CHAT: variants seen among roughly 807,000 people sequenced by gnomAD.
CHAT encodes the protein choline O-acetyltransferase.
Under a neutral mutation model 76.9 loss-of-function variants are expected in CHAT, and 61 were observed. The observed-to-expected ratio is 0.79, with a 90% confidence interval of 0.65 to 0.98. CHAT has a LOEUF of 0.98. Among genes scored for constraint, CHAT ranks in the 50% least tolerant of loss-of-function variants. The probability of loss-of-function intolerance (pLI) is 0.00; values close to 1 mark genes in which losing one functional copy is unlikely to be tolerated. For synonymous variants in CHAT, 407 were observed against 397.4 expected (o/e 1.02, Z -0.29); for missense variants, 946 against 986.9 (o/e 0.96, Z 0.56).
chr10:49,656,489 G>A (rs1213114431), intron 13 of CHAT, among the ~76,000 whole-genome samples: 2 of 152,140 alleles, frequency 1.3e-5, no homozygotes, highest in Non-Finnish European at 2.9e-5. Flanking sequence ...GGAGCCAGCT[G>A]TTTCCTCTGC....
At chr10:49,647,215 A>G in intron 8 of CHAT, 1 of 165,880 alleles carries the variant, frequency 6.0e-6, no homozygotes, top group Non-Finnish European at 1.3e-5. Context: ...AAGATGAGAT[A>G]AAATAATTCA....
chr10:49,631,598 G>C lies in CHAT; in HGVS notation c.1111+3813G>C, dbSNP rs147901199. Among the ~76,000 whole-genome samples, 283 of 152,332 alleles carry C rather than the reference G, an allele frequency of 1.9e-3. 1 individual carries two copies. Among genetic ancestry groups the C allele is most frequent in the African/African-American group, 6.5e-3 (270 of 41,556 alleles). Reference sequence around the variant, plus strand: ...GATGGTGAGAGCATAGCAGGGCCGAGGGGTTTGGCCGTCTCAGTGACATGA... The same window carrying C: ...GATGGTGAGAGCATAGCAGGGCCGACGGGTTTGGCCGTCTCAGTGACATGA... On this transcript the variant is annotated intron_variant, in intron 7 of 14. Transcript: ENST00000337653.
chr10:49,632,619 C>T (rs1839162837), intron 7 of CHAT, among the ~76,000 whole-genome samples: 1 of 152,136 alleles, frequency 6.6e-6, no homozygotes, highest in African/African-American at 2.4e-5. Flanking sequence ...AAGGAGACTG[C>T]GCTCAGATGA....
intron 6 of CHAT, among the ~76,000 whole-genome samples, chr10:49,627,315 A>C (rs1474187798): frequency 2.0e-5 from 3 of 152,278 alleles, no homozygotes; most frequent in Non-Finnish European, 4.4e-5. Flanking sequence ...GCCCTCCAAC[A>C]GTAGCTGTGC....
chr10:49,643,092 C>A (rs144561463), intron 7 of CHAT, among the ~76,000 whole-genome samples: 1 of 152,168 alleles, frequency 6.6e-6, no homozygotes. Context: ...TTGTAAATGG[C>A]CTAAGGTCAA....
At chr10:49,621,793 A>C (rs974024356) in intron 4 of CHAT, among the ~76,000 whole-genome samples, 3 of 151,876 alleles carry the variant, frequency 2.0e-5, no homozygotes, top group African/African-American at 7.3e-5. Flanking sequence ...CTCGACCCCC[A>C]GTTCTCACCA....
At chr10:49,630,929 C>G (rs770248807) in intron 7 of CHAT, among the ~76,000 whole-genome samples, 9 of 152,118 alleles carry the variant, frequency 5.9e-5, no homozygotes, top group Non-Finnish European at 1.2e-4. Flanking sequence ...TGTGAAATAG[C>G]CTCCTGGAAA....
At position 49,651,956 on chromosome 10, in the gene CHAT, A is replaced by C. The variant is rs1343350166; in HGVS notation, c.1584A>C (p.Lys528Asn). 1 of 1,614,232 alleles carries C rather than the reference A, an allele frequency of 6.2e-7. No individual in the cohort carries two copies. The highest frequency in any genetic ancestry group is 8.5e-7 in the Non-Finnish European group (1 of 1,180,030). ...NYGKTFIKKQ[K>N]CSPDAFIQVA... ...GGAAAACATTCATTAAGAAGCAGAA[A>C]TGCAGCCCTGATGCCTTCATCCAGG... The change falls in exon 11 of 15, where the codon AAA (lysine) becomes AAC (asparagine). Residue 528 changes from lysine to asparagine, a missense_variant. Coordinates refer to ENST00000337653, the MANE Select transcript of CHAT (RefSeq NM_020549.5).
intron 14 of CHAT, among the ~76,000 whole-genome samples, chr10:49,663,435 A>G (rs2132855022): frequency 6.6e-6 from 1 of 152,234 alleles, no homozygotes; most frequent in East Asian, 1.9e-4. Flanking sequence ...GCTTGGCCAG[A>G]TACAATTATG....
chr10:49,620,040 TG>T, intron 3 of CHAT, 124 bp downstream of exon 3: 1 of 949,760 alleles, frequency 1.1e-6, no homozygotes, highest in Admixed American at 2.3e-5. Context: ...GGGACAGGGA[TG>T]GGGGATAGGT....
upstream of CHAT, chr10:49,610,892 T>A: frequency 6.2e-7 from 1 of 1,613,120 alleles, no homozygotes; most frequent in Non-Finnish European, 8.5e-7. Flanking sequence ...ATGCTGTACA[T>A]GGTCATCGTG....
chr10:49,619,009 C>T (rs1180318844), intron 2 of CHAT, among the ~76,000 whole-genome samples: 1 of 152,140 alleles, frequency 6.6e-6, no homozygotes, highest in African/African-American at 2.4e-5. Context: ...GCCCCTAACA[C>T]CCACATGAAA....
At chr10:49,610,886 T>TGTCCA (rs1838274929), upstream of CHAT, 1 of 1,613,226 alleles carries the variant, frequency 6.2e-7, no homozygotes, top group Admixed American at 1.7e-5. Flanking sequence ...GACAACATGC[T>TGTCCA]GTACATGGTC....
intron 10 of CHAT, 77 bp from the exon 11 acceptor site, chr10:49,651,807 T>C: frequency 6.7e-7 from 1 of 1,489,122 alleles, no homozygotes; most frequent in Non-Finnish European, 9.1e-7. Flanking sequence ...GACCAGGCTC[T>C]AGAAGCCCGG....
chr10:49,620,656 C>A lies in CHAT; in HGVS notation c.698+43C>A, dbSNP rs553256229. The A allele has an allele frequency of 3.4e-6, 5 of 1,474,340 alleles. No homozygotes were observed. In the East Asian group the frequency reaches 6.9e-5, roughly 20 times the overall value. The allele number at this position is 1,474,340 out of a possible 1,614,324, so 91.3% of individuals were successfully genotyped here. A position where few individuals can be genotyped will look rare whatever the true frequency, so the allele number is the denominator to read the frequency against. ...CTAGCTCATAACCTGGGGACCCACC[C>A]AAGGCAGGGGCCCTTACCCCAGTGC... is the stretch of plus-strand genomic sequence containing the variant. On this transcript the variant is annotated intron_variant, in intron 4 of 14. Coordinates refer to ENST00000337653, the MANE Select transcript of CHAT (RefSeq NM_020549.5).
At chr10:49,610,611 A>G, upstream of CHAT, 3 of 890,052 alleles carry the variant, frequency 3.4e-6, no homozygotes, top group Non-Finnish European at 4.8e-6. Flanking sequence ...CTCCGCGGCC[A>G]CCTGAGGCAC....
At chr10:49,640,607 T>C (rs953862475) in intron 7 of CHAT, among the ~76,000 whole-genome samples, 1 of 152,180 alleles carries the variant, frequency 6.6e-6, no homozygotes, top group Non-Finnish European at 1.5e-5. Context: ...TCAGCTTCCA[T>C]CTGAGACTGT....
chr10:49,611,525 T>C, upstream of CHAT: 1 of 1,602,306 alleles, frequency 6.2e-7, no homozygotes, highest in Non-Finnish European at 8.5e-7. Context: ...CTGCTGGCAG[T>C]GGCCAAACCC....
At chr10:49,662,202 C>A (rs561446455) in intron 13 of CHAT, among the ~76,000 whole-genome samples, 1 of 152,196 alleles carries the variant, frequency 6.6e-6, no homozygotes, top group Admixed American at 6.5e-5. Context: ...GCCTGGGACG[C>A]CCTTCACAAT....
Sources: allele counts gnomAD v4.1 joint callset (sites outside exome capture counted in the v4.1 genomes callset), GRCh38; gene constraint gnomAD v4.1.1; transcripts MANE v1.5; gene names NCBI Gene and HGNC (gene_info 2026-07-23, HGNC 2026-07-21).